ZNF385B: variants seen among roughly 807,000 people sequenced by gnomAD.
ZNF385B encodes zinc finger protein 385B.
Under a neutral mutation model 39.2 loss-of-function variants are expected in ZNF385B, and 23 were observed. The ratio of observed to expected loss-of-function variants is 0.59; its 90% CI spans 0.42 to 0.83. The LOEUF (loss-of-function observed/expected upper bound fraction) is 0.83, where lower values mean the gene tolerates loss of function less well. ZNF385B is among the 40% of genes least tolerant of loss of function. The pLI, the probability that ZNF385B is intolerant of heterozygous loss-of-function variation, is 0.00. For synonymous variants in ZNF385B, 205 were observed against 222.6 expected (o/e 0.92, Z 0.70); for missense variants, 552 against 598.9 (o/e 0.92, Z 0.82).
intron 1 of ZNF385B, among the ~76,000 whole-genome samples, chr2:179,792,375 C>CTTTT (rs374147864): frequency 8.1e-6 from 1 of 124,124 alleles, no homozygotes; most frequent in Non-Finnish European, 1.6e-5. Flanking sequence ...ATTTTCTTTT[C>CTTTT]TTTTTTTTTT....
At chr2:179,649,814 T>C (rs1433789422) in intron 3 of ZNF385B, among the ~76,000 whole-genome samples, 2 of 152,236 alleles carry the variant, frequency 1.3e-5, no homozygotes, top group East Asian at 1.9e-4. Flanking sequence ...GTTACATTTC[T>C]TTCTAGATTC....
intron 3 of ZNF385B, among the ~76,000 whole-genome samples, chr2:179,687,264 T>C (rs1008275199): frequency 3.3e-5 from 5 of 151,332 alleles, no homozygotes; most frequent in South Asian, 4.2e-4. Context: ...TAAAGGAATA[T>C]TGTGAATCTT....
chr2:179,858,894 A>G (rs957252635), intron 1 of ZNF385B, among the ~76,000 whole-genome samples: 1 of 152,214 alleles, frequency 6.6e-6, no homozygotes, highest in African/African-American at 2.4e-5. Flanking sequence ...AAAATCAAGC[A>G]ATGATATCTT....
intron 1 of ZNF385B, among the ~76,000 whole-genome samples, chr2:179,815,306 A>G (rs1706994298): frequency 6.6e-6 from 1 of 152,232 alleles, no homozygotes; most frequent in Admixed American, 6.5e-5. Context: ...GTGCAAATAC[A>G]GATAGATTTA....
chr2:179,772,712 G>T (rs746326855), intron 1 of ZNF385B, among the ~76,000 whole-genome samples: 11 of 152,168 alleles, frequency 7.2e-5, no homozygotes, highest in Non-Finnish European at 1.2e-4. Context: ...GAAGAAGAGA[G>T]AAAAATCTCA....
chr2:179,637,132 T>C (rs1409820208), intron 3 of ZNF385B: 5 of 152,212 alleles, frequency 3.3e-5, no homozygotes, highest in Non-Finnish European at 7.3e-5. Context: ...GTAATCTATG[T>C]CTGTCAAGCC....
intron 1 of ZNF385B, among the ~76,000 whole-genome samples, chr2:179,808,274 C>T (rs939966923): frequency 7.2e-5 from 11 of 152,268 alleles, no homozygotes; most frequent in East Asian, 1.9e-4. Flanking sequence ...CCTTGTGATC[C>T]GCCCGCCTTG....
chr2:179,446,351 C>G (rs1004815807), intron 7 of ZNF385B, among the ~76,000 whole-genome samples, 174 bp downstream of exon 7: 1 of 152,138 alleles, frequency 6.6e-6, no homozygotes, highest in African/African-American at 2.4e-5. Context: ...CTGCTTTTGT[C>G]TTGCTAGTTC....
rs902933668 is a variant in ZNF385B at position 179,553,867 on chromosome 2, AT to A, written c.299-8899del. 3.4e-5 allele frequency among the ~76,000 whole-genome samples: 5 copies of A among 148,410 alleles called. No individual in the cohort carries two copies. The South Asian group carries it at 6.5e-4, about 19-fold the overall frequency. On this transcript the variant is annotated intron_variant, in intron 3 of 9. Transcript: ENST00000410066. The stretch of plus-strand genomic sequence containing the variant: ...TTTTTAGCATAGAATCAAGCCTTAA[AT>A]TTTTTTTTAAATTAAGATGACACAG...
intron 3 of ZNF385B, among the ~76,000 whole-genome samples, chr2:179,689,608 G>T (rs2106340749): frequency 6.6e-6 from 1 of 152,224 alleles, no homozygotes; most frequent in African/African-American, 2.4e-5. Flanking sequence ...CTATGCAATG[G>T]ATATTTTCCA....
intron 3 of ZNF385B, among the ~76,000 whole-genome samples, chr2:179,705,657 T>C (rs1360924637): frequency 1.3e-5 from 2 of 152,238 alleles, no homozygotes; most frequent in East Asian, 1.9e-4. Flanking sequence ...GTATGTTCTT[T>C]GACCTCAGTA....
At chr2:179,540,832 T>A (rs1478782284) in intron 4 of ZNF385B, among the ~76,000 whole-genome samples, 1 of 152,110 alleles carries the variant, frequency 6.6e-6, no homozygotes, top group East Asian at 1.9e-4. Flanking sequence ...ACACAAAGGG[T>A]GGGACTTAAT....
chr2:179,622,035 C>T (rs1427468279), intron 3 of ZNF385B, among the ~76,000 whole-genome samples: 1 of 152,100 alleles, frequency 6.6e-6, no homozygotes, highest in Non-Finnish European at 1.5e-5. Flanking sequence ...TAAGCTGTAA[C>T]TTTTTAGTTA....
At chr2:179,663,206 C>G (rs13420659) in intron 3 of ZNF385B, among the ~76,000 whole-genome samples, 19,692 of 152,076 alleles carry the variant, frequency 0.13, 1,975 homozygotes, top group African/African-American at 0.28. Context: ...ATTTTTTGAC[C>G]AATTAGCTAC....
intron 4 of ZNF385B, among the ~76,000 whole-genome samples, chr2:179,527,330 C>T (rs534746898): frequency 6.6e-6 from 1 of 152,214 alleles, no homozygotes; most frequent in Admixed American, 6.5e-5. Flanking sequence ...GTTTTCTAAA[C>T]TATGAATTTA....
At chr2:179,640,191 G>A (rs1364935790) in intron 3 of ZNF385B, among the ~76,000 whole-genome samples, 1 of 152,124 alleles carries the variant, frequency 6.6e-6, no homozygotes, top group African/African-American at 2.4e-5. Flanking sequence ...TTGGATCCTA[G>A]GTTGGAAAAC....
intron 3 of ZNF385B, among the ~76,000 whole-genome samples, chr2:179,567,257 T>A (rs1311165886): frequency 1.3e-5 from 2 of 152,132 alleles, no homozygotes; most frequent in East Asian, 3.9e-4. Flanking sequence ...CTTCTAGTCA[T>A]CTGAATTGCA....
At chr2:179,456,121 A>T (rs551300505) in intron 6 of ZNF385B, among the ~76,000 whole-genome samples, 35 of 152,304 alleles carry the variant, frequency 2.3e-4, no homozygotes, top group African/African-American at 7.7e-4. Context: ...TACCTCATTG[A>T]ATTCATATAT....
At chr2:179,560,220 C>T (rs1402586562) in intron 3 of ZNF385B, among the ~76,000 whole-genome samples, 2 of 152,034 alleles carry the variant, frequency 1.3e-5, no homozygotes, top group Admixed American at 6.6e-5. Context: ...ATAAGAAGTC[C>T]CCCTGAAAGT....
Sources: gnomAD v4.1 joint callset for allele counts (sites outside exome capture counted in the v4.1 genomes callset) on GRCh38, gnomAD v4.1.1 for gene constraint, MANE v1.5 for transcripts, NCBI Gene and HGNC (gene_info 2026-07-23, HGNC 2026-07-21) for gene names.